Variants in FBLN7 observed in about 807,000 individuals in gnomAD.
FBLN7 encodes the protein fibulin-7.
A neutral mutation model predicts 44.0 loss-of-function variants in FBLN7; 31 were observed. The observed-to-expected ratio is 0.70, with a 90% confidence interval of 0.53 to 0.95. The LOEUF (loss-of-function observed/expected upper bound fraction) is 0.95, where lower values mean the gene tolerates loss of function less well. Among genes scored for constraint, FBLN7 ranks in the 40% least tolerant of loss-of-function variants. The pLI is 0.00. For synonymous variants in FBLN7, 262 were observed against 253.4 expected (o/e 1.03, Z -0.32); for missense variants, 573 against 618.5 (o/e 0.93, Z 0.78).
At chr2:112,188,749 G>C (rs1023446241), downstream of FBLN7, 8 of 152,168 alleles carry the variant, frequency 5.3e-5, no homozygotes, top group African/African-American at 1.9e-4. Context: ...ACATCAAGAT[G>C]GTTTCTAAGA....
chr2:112,189,590 C>T (rs1683417700), downstream of FBLN7: 1 of 152,204 alleles, frequency 6.6e-6, no homozygotes. Flanking sequence ...AATTCATTTG[C>T]ACCCCTTTCC....
chr2:112,238,890 A>G, the FBLN7 span, among the ~76,000 whole-genome samples: 1 of 152,232 alleles, frequency 6.6e-6, no homozygotes, highest in East Asian at 1.9e-4. Flanking sequence ...CACACATTAC[A>G]TTTCTGCCTT....
chr2:112,228,179 A>T, the FBLN7 span, among the ~76,000 whole-genome samples: 2 of 152,182 alleles, frequency 1.3e-5, no homozygotes, highest in Non-Finnish European at 2.9e-5. Context: ...CATGAAGGCA[A>T]GTCAGGGGGA....
At position 112,165,177 on chromosome 2, in the gene FBLN7, G is replaced by A. The variant is rs775188485; in HGVS notation, c.406+6G>A. On this transcript the variant is annotated splice_donor_region_variant and intron_variant, in intron 3 of 7. Coordinates refer to ENST00000331203, the MANE Select transcript of FBLN7 (RefSeq NM_153214.3). Reference sequence around the variant, plus strand: ...GGAGCAGCCCCACTGTAGAGGTATCGTCTCTCCTTCCCATCCCACTGCGCT... The same window carrying A: ...GGAGCAGCCCCACTGTAGAGGTATCATCTCTCCTTCCCATCCCACTGCGCT... 18 of 1,613,528 alleles carry A rather than the reference G, an allele frequency of 1.1e-5. No homozygotes were observed. Among genetic ancestry groups the A allele is most frequent in the Middle Eastern group, 3.3e-4 (2 of 6,082 alleles).
chr2:112,150,009 C>T (rs1024398300), intron 1 of FBLN7, among the ~76,000 whole-genome samples: 9 of 152,190 alleles, frequency 5.9e-5, no homozygotes, highest in Admixed American at 2.0e-4. Flanking sequence ...TTGTTCACAT[C>T]AAAGACCAGA....
intron 2 of FBLN7, among the ~76,000 whole-genome samples, chr2:112,160,776 GCA>G (rs1245899931): frequency 5.5e-5 from 6 of 108,854 alleles, no homozygotes; most frequent in African/African-American, 1.7e-4. Context: ...ACACGCAGAC[GCA>G]CACGCACGCA....
chr2:112,165,180 T>C lies in FBLN7; in HGVS notation c.406+9T>C. On this transcript the variant is annotated intron_variant, in intron 3 of 7. Transcript: ENST00000331203. ...GCAGCCCCACTGTAGAGGTATCGTCTCTCCTTCCCATCCCACTGCGCTGGA... is the reference window on the plus strand; with the variant it reads ...GCAGCCCCACTGTAGAGGTATCGTCCCTCCTTCCCATCCCACTGCGCTGGA... 6.2e-7 allele frequency: 1 copy of C among 1,613,374 alleles called. No homozygotes were observed. Among genetic ancestry groups the C allele is most frequent in the Admixed American group, 1.7e-5 (1 of 59,992 alleles).
At chr2:112,173,632 G>A (rs1427024065) in intron 3 of FBLN7, among the ~76,000 whole-genome samples, 1 of 152,242 alleles carries the variant, frequency 6.6e-6, no homozygotes, top group Non-Finnish European at 1.5e-5. Context: ...CATGAAAACA[G>A]TAAGATGAAA....
In FBLN7 at chr2:112,181,816, C is replaced by A; in HGVS notation, c.610C>A (p.His204Asn). 6.6e-7 allele frequency: 1 copy of A among 1,516,562 alleles called. No homozygotes were observed. The highest frequency in any genetic ancestry group is 8.8e-7 in the Non-Finnish European group (1 of 1,138,866). 93.9% of individuals were successfully genotyped at this position (1,516,562 alleles called of 1,614,324 possible). ...CTGTGCGCAGGTGGAGCGGGCTCAGCACTGCAGCTGCGAGGCCGGATTCCA... is the reference window on the plus strand; with the variant it reads ...CTGTGCGCAGGTGGAGCGGGCTCAGAACTGCAGCTGCGAGGCCGGATTCCA... Reference protein sequence around the residue: ...PRCAQVERAQHCSCEAGFHLS... With the variant: ...PRCAQVERAQNCSCEAGFHLS... Residue 204 changes from histidine to asparagine, a missense_variant, in exon 5 of 8, where the codon CAC becomes AAC. By Grantham distance (68) the His-to-Asn change is moderately conservative. Coordinates refer to ENST00000331203, the MANE Select transcript of FBLN7 (RefSeq NM_153214.3).
In FBLN7 at chr2:112,176,681, G is replaced by C. The variant is rs148806835; in HGVS notation, c.532+842G>C. 2.6e-5 allele frequency: 4 copies of C among 152,350 alleles called. No individual in the cohort carries two copies. The East Asian group carries it at 7.7e-4, about 29-fold the overall frequency. The allele number at this position is 152,350 out of a possible 1,614,324, so 9.4% of individuals were successfully genotyped here. ...ATATGCCCTGATTCAGTTCAGCTGA[G>C]TCAGCTGGCTGGGCACTTTCTCAAA... is the stretch of plus-strand genomic sequence containing the variant. On this transcript the variant is annotated intron_variant, in intron 4 of 7. Transcript: ENST00000331203.
chr2:112,181,971 T>C (rs4849050), intron 5 of FBLN7, 95 bp downstream of exon 5: 210,727 of 1,426,366 alleles, frequency 0.15, 16,745 homozygotes, highest in East Asian at 0.36. Context: ...CCGGCACGGG[T>C]GGCTTCCTGC....
At chr2:112,221,549 T>G in the FBLN7 span, among the ~76,000 whole-genome samples, 2 of 152,178 alleles carry the variant, frequency 1.3e-5, no homozygotes, top group African/African-American at 4.8e-5. Context: ...ATGAACGAAC[T>G]AATACAGTCT....
chr2:112,171,623 A>G (rs1052840083), intron 3 of FBLN7, among the ~76,000 whole-genome samples: 1 of 152,222 alleles, frequency 6.6e-6, no homozygotes, highest in African/African-American at 2.4e-5. Context: ...AATGAAAAAA[A>G]GATGAATTTC....
At chr2:112,170,400 G>A (rs181472143) in intron 3 of FBLN7, among the ~76,000 whole-genome samples, 12 of 151,736 alleles carry the variant, frequency 7.9e-5, no homozygotes, top group African/African-American at 1.5e-4. Flanking sequence ...GGTGGCATGC[G>A]CCTGTAATCC....
chr2:112,157,235 C>T lies in FBLN7; in HGVS notation c.76-2441C>T, dbSNP rs6755341. ...AAATACAAAAATTAGCGGGGCATGG[C>T]GGTGGGCACCTGTAATCCCAGCTAC... On this transcript the variant is annotated intron_variant, in intron 1 of 7. Transcript: ENST00000331203. Among the ~76,000 whole-genome samples the T allele has an allele frequency of 6.5e-3, 992 of 151,860 alleles. 10 individuals carry two copies. The highest frequency in any genetic ancestry group is 0.023 in the African/African-American group (947 of 41,400).
chr2:112,163,118 C>T (rs1489190439), intron 2 of FBLN7, among the ~76,000 whole-genome samples: 4 of 152,168 alleles, frequency 2.6e-5, no homozygotes, highest in Admixed American at 6.5e-5. Flanking sequence ...CGAGCATCCT[C>T]GGAGGGTCCG....
At chr2:112,157,096 G>A (rs1444952350) in intron 1 of FBLN7, among the ~76,000 whole-genome samples, 1 of 152,202 alleles carries the variant, frequency 6.6e-6, no homozygotes, top group Non-Finnish European at 1.5e-5. Context: ...AAGACTGGGT[G>A]CGGTGGCTCA....
the FBLN7 span, among the ~76,000 whole-genome samples, chr2:112,220,109 A>G: frequency 6.6e-6 from 1 of 152,214 alleles, no homozygotes; most frequent in African/African-American, 2.4e-5. Context: ...TCAGCTTTCC[A>G]GTCTGTGCCT....
At chr2:112,150,826 G>GAT (rs991802279) in intron 1 of FBLN7, among the ~76,000 whole-genome samples, 2 of 152,208 alleles carry the variant, frequency 1.3e-5, no homozygotes, top group Admixed American at 1.3e-4. Flanking sequence ...ACAGGAGAGA[G>GAT]AAAGATGCAG....
Sources: gnomAD v4.1 joint callset for allele counts (sites outside exome capture counted in the v4.1 genomes callset) on GRCh38, gnomAD v4.1.1 for gene constraint, MANE v1.5 for transcripts, NCBI Gene and HGNC (gene_info 2026-07-23, HGNC 2026-07-21) for gene names.